EXOC6B: variants seen among roughly 807,000 people sequenced by gnomAD.
EXOC6B encodes SEC15 homolog B.
Under a neutral mutation model 113.5 loss-of-function variants are expected in EXOC6B, and 54 were observed. The observed-to-expected ratio is 0.48, with a 90% CI of 0.38 to 0.60. The LOEUF is 0.60. EXOC6B is among the 20% of genes least tolerant of loss of function. EXOC6B has a pLI of 0.00. For synonymous variants in EXOC6B, 357 were observed against 339.0 expected (o/e 1.05, Z -0.58); for missense variants, 797 against 977.5 (o/e 0.82, Z 2.46).
chr2:72,256,100 G>A (rs1283049413), intron 20 of EXOC6B, among the ~76,000 whole-genome samples: 2 of 152,084 alleles, frequency 1.3e-5, no homozygotes, highest in African/African-American at 2.4e-5. Flanking sequence ...GAAGACATGA[G>A]GAAAAGAGGT....
intron 19 of EXOC6B, among the ~76,000 whole-genome samples, chr2:72,352,663 T>C (rs1008851969): frequency 6.7e-6 from 1 of 150,356 alleles, no homozygotes; most frequent in African/African-American, 2.4e-5. Flanking sequence ...GAGTGAGTAA[T>C]GATGGAAAGG....
At chr2:72,235,228 T>A (rs1162072507) in intron 20 of EXOC6B, among the ~76,000 whole-genome samples, 1 of 152,148 alleles carries the variant, frequency 6.6e-6, no homozygotes, top group Non-Finnish European at 1.5e-5. Context: ...TAAAAAAGAA[T>A]GAGATCATGT....
At chr2:72,244,607 A>C (rs1172224400) in intron 20 of EXOC6B, among the ~76,000 whole-genome samples, 2 of 152,114 alleles carry the variant, frequency 1.3e-5, no homozygotes, top group East Asian at 3.8e-4. Flanking sequence ...AATTGACAAA[A>C]ACCTGGTTCT....
At chr2:72,615,930 G>T (rs1017841676) in intron 6 of EXOC6B, among the ~76,000 whole-genome samples, 2 of 151,902 alleles carry the variant, frequency 1.3e-5, no homozygotes, top group African/African-American at 4.8e-5. Context: ...CCCTATGTAG[G>T]CCCATACTAA....
intron 20 of EXOC6B, among the ~76,000 whole-genome samples, chr2:72,259,197 C>T (rs1475119253): frequency 1.3e-5 from 2 of 152,140 alleles, no homozygotes; most frequent in African/African-American, 4.8e-5. Context: ...GCAATCACTG[C>T]TTTGATTTTT....
chr2:72,359,760 C>T (rs900491545), intron 19 of EXOC6B, among the ~76,000 whole-genome samples: 2 of 152,122 alleles, frequency 1.3e-5, no homozygotes, highest in African/African-American at 4.8e-5. Context: ...CTCCAAATCT[C>T]ACGTTGAAAC....
At chr2:72,655,175 T>G (rs1261772023) in intron 6 of EXOC6B, among the ~76,000 whole-genome samples, 1 of 152,144 alleles carries the variant, frequency 6.6e-6, no homozygotes, top group East Asian at 1.9e-4. Context: ...TAGTAATCAC[T>G]CTATTAAAAT....
chr2:72,443,250 G>A (rs572096796), intron 18 of EXOC6B, among the ~76,000 whole-genome samples: 3 of 151,486 alleles, frequency 2.0e-5, no homozygotes, highest in Non-Finnish European at 4.4e-5. Context: ...TTGAATCTGG[G>A]AGGCACAGGT....
At chr2:72,405,299 C>T (rs1693656696) in intron 18 of EXOC6B, among the ~76,000 whole-genome samples, 1 of 152,182 alleles carries the variant, frequency 6.6e-6, no homozygotes, top group Non-Finnish European at 1.5e-5. Flanking sequence ...TCCAGGAGAA[C>T]TTCCCCAATC....
intron 1 of EXOC6B, among the ~76,000 whole-genome samples, chr2:72,768,046 G>A (rs928643995): frequency 2.2e-4 from 33 of 148,676 alleles, no homozygotes; most frequent in Non-Finnish European, 1.5e-5. Context: ...GAACCCGGGA[G>A]GCAGAGGTTA....
intron 18 of EXOC6B, among the ~76,000 whole-genome samples, chr2:72,413,559 T>C (rs914781210): frequency 6.6e-6 from 1 of 151,556 alleles, no homozygotes; most frequent in African/African-American, 2.4e-5. Flanking sequence ...GGTACGCACC[T>C]GTAATCCCAG....
chr2:72,699,495 G>A (rs943396558), intron 6 of EXOC6B, among the ~76,000 whole-genome samples: 113 of 147,632 alleles, frequency 7.7e-4, no homozygotes, highest in African/African-American at 2.5e-3. Flanking sequence ...AAAAAAAAAA[G>A]AAAGAAAGTC....
intron 18 of EXOC6B, among the ~76,000 whole-genome samples, chr2:72,384,388 A>G (rs2105082850): frequency 6.6e-6 from 1 of 152,210 alleles, no homozygotes; most frequent in African/African-American, 2.4e-5. Flanking sequence ...AAAGCCATAT[A>G]TGACAATCCT....
At chr2:72,651,698 C>T (rs986205313) in intron 6 of EXOC6B, among the ~76,000 whole-genome samples, 4 of 152,158 alleles carry the variant, frequency 2.6e-5, no homozygotes, top group African/African-American at 4.8e-5. Flanking sequence ...CAGGTTCATG[C>T]CATTCTCCTG....
chr2:72,381,004 T>C (rs972384679), intron 18 of EXOC6B, among the ~76,000 whole-genome samples: 3 of 152,170 alleles, frequency 2.0e-5, no homozygotes, highest in African/African-American at 7.2e-5. Context: ...GATAAATACT[T>C]AACGTATCCC....
At chr2:72,263,222 A>T (rs1018878941) in intron 20 of EXOC6B, 5 of 152,210 alleles carry the variant, frequency 3.3e-5, no homozygotes, top group Non-Finnish European at 7.3e-5. Context: ...CCAGTGTCAG[A>T]CCTGGTCTGC....
At chr2:72,370,715 A>G (rs1369225871) in intron 19 of EXOC6B, among the ~76,000 whole-genome samples, 1 of 152,130 alleles carries the variant, frequency 6.6e-6, no homozygotes, top group African/African-American at 2.4e-5. Flanking sequence ...CTTTGTAGGG[A>G]CATGGATGAA....
intron 18 of EXOC6B, among the ~76,000 whole-genome samples, chr2:72,390,742 A>C (rs780858917): frequency 6.6e-6 from 1 of 152,148 alleles, no homozygotes; most frequent in Non-Finnish European, 1.5e-5. Flanking sequence ...GCTTCAGTTC[A>C]GTGGGGCCTT....
At chr2:72,689,216 T>C (rs1007147625) in intron 6 of EXOC6B, among the ~76,000 whole-genome samples, 2 of 152,212 alleles carry the variant, frequency 1.3e-5, no homozygotes, top group Non-Finnish European at 2.9e-5. Flanking sequence ...GGCTGTAATA[T>C]GAAATTTCCG....
Sources: gnomAD v4.1 joint callset for allele counts (sites outside exome capture counted in the v4.1 genomes callset) on GRCh38, gnomAD v4.1.1 for gene constraint, MANE v1.5 for transcripts, NCBI Gene and HGNC (gene_info 2026-07-23, HGNC 2026-07-21) for gene names.